SLC4A8: variants seen among roughly 807,000 people sequenced by gnomAD.
SLC4A8 encodes solute carrier family 4 member 8, also known as electroneutral sodium bicarbonate exchanger 1.
Under a neutral mutation model 125.0 loss-of-function variants are expected in SLC4A8, and 40 were observed. That is an observed-to-expected ratio of 0.32 (90% CI 0.25 to 0.42). SLC4A8 has a LOEUF of 0.42. Ranked by LOEUF, SLC4A8 falls within the 10% of genes least tolerant of loss-of-function variation. SLC4A8 has a pLI of 1.00. For synonymous variants in SLC4A8, 456 were observed against 476.0 expected, an observed-to-expected ratio of 0.96 and a Z score of 0.55; for missense variants, 863 against 1,355.1, an observed-to-expected ratio of 0.64 and a Z score of 5.70.
chr12:51,471,317 A>G lies in SLC4A8; in HGVS notation c.1689A>G (p.Arg563=), dbSNP rs770207305. ...ATGCTCTTTCATACCTCTCCCTGCG[A>G]GCTTGTATTGGACTGTGGACCGCTT... ...KDYALSYLSL[R]ACIGLWTAFL... The change falls in exon 14 of 25, where the codon CGA becomes CGG. Residue 563 remains arginine, a synonymous_variant. Transcript: ENST00000453097. The G allele has an allele frequency of 6.2e-7, 1 of 1,613,504 alleles. No homozygotes were observed. Among genetic ancestry groups the G allele is most frequent in the South Asian group, 1.1e-5 (1 of 91,074 alleles).
At position 51,417,783 on chromosome 12, in the gene SLC4A8, T is replaced by G. The variant is rs866397274; in HGVS notation, c.-111-22925T>G. Among the ~76,000 whole-genome samples the G allele has an allele frequency of 3.9e-5, 6 of 152,330 alleles. No homozygotes were observed. The Middle Eastern group carries it at 0.01, about 259-fold the overall frequency. ...TGCCCACCTCAGCCTCCCAAAGTGC[T>G]GGGATTACAGGCGTGAGCCACTGCA... On this transcript the variant is annotated intron_variant, in intron 1 of 24. Transcript: ENST00000358657.
chr12:51,403,366 T>C (rs1013670226), intron 1 of SLC4A8: 2 of 410,904 alleles, frequency 4.9e-6, no homozygotes, highest in African/African-American at 2.0e-5. Context: ...GCAGGAGCCA[T>C]GACAGCCTGT....
At position 51,463,662 on chromosome 12, in the gene SLC4A8, G is replaced by C. The variant is rs532478616; in HGVS notation, c.1297G>C (p.Glu433Gln). 6.2e-7 allele frequency: 1 copy of C among 1,614,158 alleles called. No individual in the cohort carries two copies. Among genetic ancestry groups the C allele is most frequent in the South Asian group, 1.1e-5 (1 of 91,082 alleles). The change falls in exon 11 of 25, where the codon GAA (glutamate) becomes CAA (glutamine). Residue 433 changes from glutamate to glutamine, a missense_variant. Glu to Gln is a conservative substitution (Grantham distance 29, BLOSUM62 2). This residue lies in a region of SLC4A8 where 390 missense variants were observed against 634.4 expected (regional missense o/e 0.61). Coordinates refer to ENST00000453097, the MANE Select transcript of SLC4A8 (RefSeq NM_001039960.3). ...TCCAAATGGAAATGTTTGCCACATAGAACAGGAACCACATGGGGGTCACAG... is the reference window on the plus strand; with the variant it reads ...TCCAAATGGAAATGTTTGCCACATACAACAGGAACCACATGGGGGTCACAG... ...GVPNGNVCHI[E>Q]QEPHGGHSGP...
In SLC4A8 at chr12:51,441,400, T is replaced by G. The variant is rs142226518; in HGVS notation, c.130+611T>G. On this transcript the variant is annotated intron_variant, in intron 2 of 24. Transcript: ENST00000453097. ...GATGACCCACTCTGTCCAGTTTACC[T>G]TATTTCAGCTCTTCCTTTCTCTGCA... Among the ~76,000 whole-genome samples, 39 of 152,276 alleles carry G rather than the reference T, an allele frequency of 2.6e-4. No individual in the cohort carries two copies. In the East Asian group the frequency reaches 7.5e-3, roughly 29 times the overall value.
chr12:51,483,318 C>T (rs1202075514), intron 16 of SLC4A8, among the ~76,000 whole-genome samples: 3 of 148,922 alleles, frequency 2.0e-5, no homozygotes, highest in Non-Finnish European at 4.4e-5. Flanking sequence ...TGAGTTATTG[C>T]TTCAAGTGTT....
rs1938267791 is a variant in SLC4A8, at chr12:51,508,814, A to C, written c.*1376A>C. The stretch of plus-strand genomic sequence containing the variant: ...AGCACCCAGATAATTCTATCATGTT[A>C]GTTTCCCATCCTGGAAAATCTTTGT... On this transcript the variant is annotated 3_prime_UTR_variant, in exon 25 of 25. Coordinates refer to ENST00000453097, the MANE Select transcript of SLC4A8 (RefSeq NM_001039960.3). 6.6e-6 allele frequency: 1 copy of C among 152,172 alleles called. No individual in the cohort carries two copies. Among genetic ancestry groups the C allele is most frequent in the Non-Finnish European group, 1.5e-5 (1 of 68,028 alleles). The allele number at this position is 152,172 out of a possible 1,614,324, so 9.4% of individuals were successfully genotyped here. A position where few individuals can be genotyped will look rare whatever the true frequency, so the allele number is the denominator to read the frequency against.
chr12:51,461,404 T>C (rs1565793467), intron 9 of SLC4A8, 113 bp downstream of exon 9: 3 of 679,192 alleles, frequency 4.4e-6, no homozygotes, highest in Admixed American at 2.1e-5. Context: ...TTGCAATATC[T>C]GCTGGGAAGT....
intron 1 of SLC4A8, among the ~76,000 whole-genome samples, chr12:51,396,777 TG>T (rs1177146555): frequency 1.3e-5 from 2 of 152,044 alleles, no homozygotes; most frequent in Non-Finnish European, 2.9e-5. Flanking sequence ...CTGTATTTTT[TG>T]AATGGTTATT....
rs962728748 is a variant in SLC4A8, at chr12:51,444,167, C to A, written c.130+3378C>A. 7.2e-5 allele frequency among the ~76,000 whole-genome samples: 11 copies of A among 152,270 alleles called. No homozygotes were observed. In the East Asian group the frequency reaches 1.2e-3, roughly 16 times the overall value. On this transcript the variant is annotated intron_variant, in intron 2 of 24. Coordinates refer to ENST00000453097, the MANE Select transcript of SLC4A8 (RefSeq NM_001039960.3). ...GGGCAAAGAGCGGTTGAATGGCCAA[C>A]AAAGTGACCACAGAATTAGTTTAAT...
At chr12:51,501,642 A>T (rs1390408537) in intron 22 of SLC4A8, among the ~76,000 whole-genome samples, 1 of 152,212 alleles carries the variant, frequency 6.6e-6, no homozygotes, top group Admixed American at 6.5e-5. Flanking sequence ...TTTTTGACAG[A>T]ACAATTTATT....
intron 9 of SLC4A8, chr12:51,461,990 T>TA (rs34869000): frequency 0.52 from 102,416 of 196,838 alleles, 27,256 homozygotes; most frequent in African/African-American, 0.57. Context: ...GAAAGCTGAT[T>TA]AAAATTTTTT....
intron 1 of SLC4A8, among the ~76,000 whole-genome samples, chr12:51,406,263 G>A (rs528795195): frequency 6.6e-6 from 1 of 152,358 alleles, no homozygotes; most frequent in Non-Finnish European, 1.5e-5. Flanking sequence ...TATCCCGAGG[G>A]AGAGATTTTG....
chr12:51,487,495 C>A (rs974787122), intron 17 of SLC4A8, among the ~76,000 whole-genome samples: 36 of 152,274 alleles, frequency 2.4e-4, no homozygotes, highest in African/African-American at 8.7e-4. Context: ...GGAACCAAAT[C>A]AAATATAACA....
Position 51,449,330 on chromosome 12 carries a change from T to C in SLC4A8, c.131-1546T>C, listed in dbSNP as rs555217242. Among the ~76,000 whole-genome samples, 3 of 151,706 alleles carry C rather than the reference T, an allele frequency of 2.0e-5. No individual in the cohort carries two copies. In the South Asian group the frequency reaches 6.2e-4, roughly 32 times the overall value. ...GTACACGCCTGTGGTCCCAGCTACA[T>C]GGGAGGATCACTTGAACTTGGGAAT... is the stretch of plus-strand genomic sequence containing the variant. On this transcript the variant is annotated intron_variant, in intron 2 of 24. Transcript: ENST00000453097.
intron 10 of SLC4A8, 88 bp from the exon 11 acceptor site, chr12:51,463,526 T>G: frequency 1.0e-6 from 1 of 977,160 alleles, no homozygotes; most frequent in Admixed American, 2.0e-5. Context: ...TTTGGTTGCT[T>G]TTGGGTTATC....
intron 22 of SLC4A8, among the ~76,000 whole-genome samples, chr12:51,500,160 A>C (rs1565823770): frequency 6.6e-6 from 1 of 152,204 alleles, no homozygotes; most frequent in Non-Finnish European, 1.5e-5. Flanking sequence ...CAAGGAGAAC[A>C]GCAGGTTTAG....
At chr12:51,409,811 C>T (rs764423051) in intron 1 of SLC4A8, among the ~76,000 whole-genome samples, 2 of 152,142 alleles carry the variant, frequency 1.3e-5, no homozygotes, top group Non-Finnish European at 2.9e-5. Context: ...ACTCATGAGG[C>T]GAGGTGTGGT....
intron 2 of SLC4A8, among the ~76,000 whole-genome samples, chr12:51,441,735 T>C (rs2138132883): frequency 6.6e-6 from 1 of 152,358 alleles, no homozygotes; most frequent in South Asian, 2.1e-4. Context: ...CCTGTTCCCG[T>C]GACAGTTTTT....
chr12:51,428,400 G>T (rs1408311857), intron 1 of SLC4A8, among the ~76,000 whole-genome samples: 1 of 152,164 alleles, frequency 6.6e-6, no homozygotes, highest in East Asian at 1.9e-4. Flanking sequence ...TGAATGAGCA[G>T]CTCTCCCGTA....
Sources: gnomAD v4.1 joint callset for allele counts (sites outside exome capture counted in the v4.1 genomes callset) on GRCh38, gnomAD v4.1.1 for gene constraint, gnomAD v4.1.1 regional missense constraint, MANE v1.5 for transcripts, NCBI Gene and HGNC (gene_info 2026-07-23, HGNC 2026-07-21) for gene names.